The following ATP7B variants were observed in gnomAD, a reference collection of about 807,000 sequenced individuals.
The protein encoded by ATP7B is ATPase copper transporting beta.
ATP7B carries 113 observed loss-of-function variants against 118.9 expected under a neutral mutation model. The ratio of observed to expected loss-of-function variants is 0.95; its 90% CI spans 0.82 to 1.11. ATP7B has a LOEUF of 1.11. Among genes scored for constraint, ATP7B ranks in the 50% most tolerant of loss-of-function variants. The pLI is 0.00. For missense variants in ATP7B, 1,867 were observed against 1,871.4 expected (o/e 1.00, Z 0.04); for synonymous variants, 777 against 727.4 (o/e 1.07, Z -1.10).
At chr13:51,998,813 A>G (rs1953343839) in intron 1 of ATP7B, among the ~76,000 whole-genome samples, 1 of 152,174 alleles carries the variant, frequency 6.6e-6, no homozygotes. Context: ...TCCAGGACAA[A>G]GGGCTCTTTG....
intron 1 of ATP7B, among the ~76,000 whole-genome samples, chr13:51,982,710 C>T (rs995796825): frequency 2.0e-5 from 3 of 152,194 alleles, no homozygotes; most frequent in Non-Finnish European, 4.4e-5. Flanking sequence ...TCTGCATTTC[C>T]AGCTGAGGTA....
At chr13:51,965,618 A>T (rs2139800676) in intron 4 of ATP7B, among the ~76,000 whole-genome samples, 1 of 152,320 alleles carries the variant, frequency 6.6e-6, no homozygotes, top group East Asian at 1.9e-4. Flanking sequence ...AAGTGAAGGG[A>T]AGGACACTAC....
intron 3 of ATP7B, among the ~76,000 whole-genome samples, chr13:51,969,815 T>C (rs1366192631): frequency 6.6e-6 from 1 of 152,128 alleles, no homozygotes; most frequent in African/African-American, 2.4e-5. Flanking sequence ...TAATGCATAG[T>C]GAACAAGAGG....
intron 1 of ATP7B, among the ~76,000 whole-genome samples, chr13:51,999,457 TTAAA>T (rs555815387): frequency 6.0e-4 from 91 of 152,322 alleles, no homozygotes; most frequent in Middle Eastern, 3.4e-3. Context: ...AGGAGTGCTC[TTAAA>T]TAAACTGCAC....
chr13:51,942,838 A>G (rs1957418280), intron 14 of ATP7B, among the ~76,000 whole-genome samples: 1 of 152,232 alleles, frequency 6.6e-6, no homozygotes. Flanking sequence ...GTGCCTCATG[A>G]CAGTGAACAG....
chr13:51,992,144 AAAG>A (rs1952948403), intron 1 of ATP7B, among the ~76,000 whole-genome samples: 1 of 152,276 alleles, frequency 6.6e-6, no homozygotes, highest in Non-Finnish European at 1.5e-5. Flanking sequence ...AAAAAAAAAA[AAAG>A]AAATGTAAAA....
chr13:51,957,482 C>G (rs376105983), intron 9 of ATP7B, 34 bp downstream of exon 9: 1 of 1,588,722 alleles, frequency 6.3e-7, no homozygotes. Context: ...TTGATAGATA[C>G]CAACCACAAA....
At chr13:51,993,966 G>GT (rs1271042453) in intron 1 of ATP7B, among the ~76,000 whole-genome samples, 1 of 152,102 alleles carries the variant, frequency 6.6e-6, no homozygotes, top group Non-Finnish European at 1.5e-5. Context: ...TCACAGATTG[G>GT]TGCTGGCCTT....
intron 1 of ATP7B, among the ~76,000 whole-genome samples, chr13:51,979,194 GCA>G (rs1040076603): frequency 2.0e-5 from 3 of 152,218 alleles, no homozygotes; most frequent in African/African-American, 7.2e-5. Flanking sequence ...ACACGGCCAA[GCA>G]CAGTCAATAT....
intron 2 of ATP7B, among the ~76,000 whole-genome samples, chr13:51,972,253 C>T (rs1331619777): frequency 6.6e-6 from 1 of 152,174 alleles, no homozygotes; most frequent in Non-Finnish European, 1.5e-5. Flanking sequence ...CTGCCGAGGC[C>T]TCCAATGGCC....
rs146176995 is a variant in ATP7B, at chr13:51,993,374, C to T, written c.51+17913G>A. 1.2e-3 allele frequency among the ~76,000 whole-genome samples: 183 copies of T among 152,070 alleles called. 1 individual carries two copies. The highest frequency in any genetic ancestry group is 4.3e-3 in the African/African-American group (177 of 41,462). On this transcript the variant is annotated intron_variant, in intron 1 of 20. Transcript: ENST00000242839. ...TTTGAGCCCAGGAGTTTGAGACCAG[C>T]CTGGGCAACATAGGGAGACCACATC... is the stretch of plus-strand genomic sequence containing the variant.
At chr13:51,992,201 T>C (rs1323014688) in intron 1 of ATP7B, among the ~76,000 whole-genome samples, 1 of 151,972 alleles carries the variant, frequency 6.6e-6, no homozygotes, top group East Asian at 1.9e-4. Context: ...AATTTTTAAA[T>C]GTTTTATTCA....
chr13:52,011,229 G>A (rs1450244704), intron 1 of ATP7B, 58 bp downstream of exon 1: 5 of 1,613,698 alleles, frequency 3.1e-6, no homozygotes, highest in East Asian at 2.2e-5. Context: ...AACGCGGGGA[G>A]GAAAATCCTC....
At chr13:51,977,466 T>A (rs1952180666) in intron 1 of ATP7B, among the ~76,000 whole-genome samples, 1 of 152,082 alleles carries the variant, frequency 6.6e-6, no homozygotes. Flanking sequence ...TCTCTACATC[T>A]TCTCCCACTG....
intron 9 of ATP7B, among the ~76,000 whole-genome samples, chr13:51,955,697 G>A (rs61406624): frequency 0.012 from 1,878 of 152,154 alleles, 44 homozygotes; most frequent in African/African-American, 0.043. Flanking sequence ...GGAAACATGA[G>A]TCAAAACCAA....
chr13:51,935,384 C>T (rs1486185541), intron 20 of ATP7B, among the ~76,000 whole-genome samples: 1 of 152,218 alleles, frequency 6.6e-6, no homozygotes, highest in African/African-American at 2.4e-5. Context: ...GTAAGGGCAG[C>T]CCAGCACGTG....
Position 51,944,139 on chromosome 13 carries a change from C to G in ATP7B, c.3213G>C (p.Leu1071Phe). 3.1e-6 allele frequency: 5 copies of G among 1,614,156 alleles called. No individual in the cohort carries two copies. The highest frequency in any genetic ancestry group is 3.4e-6 in the Non-Finnish European group (4 of 1,180,022). The change falls in exon 14 of 21, where the codon TTG becomes TTC. Residue 1071 changes from leucine (L) to phenylalanine (F), a missense_variant. By Grantham distance (22) the Leu-to-Phe change is conservative (BLOSUM62 0). Coordinates refer to ENST00000242839, the MANE Select transcript of ATP7B (RefSeq NM_000053.4). ...TACAGTATTTGGTGACTGCCACGCCCAAGGGGTGTTCACTGCTGGCCTCCG... is the reference window on the plus strand; with the variant it reads ...TACAGTATTTGGTGACTGCCACGCCGAAGGGGTGTTCACTGCTGGCCTCCG... ...GTAEASSEHP[L>F]GVAVTKYCKE...
chr13:51,937,710 T>C, intron 17 of ATP7B, 31 bp from the exon 18 acceptor site: 4 of 1,610,418 alleles, frequency 2.5e-6, no homozygotes, highest in Non-Finnish European at 2.5e-6. Context: ...TGCCTAGTGT[T>C]GGCAAAAGGT....
intron 17 of ATP7B, 80 bp downstream of exon 17, chr13:51,938,971 T>C (rs949654035): frequency 6.2e-7 from 1 of 1,606,828 alleles, no homozygotes; most frequent in African/African-American, 1.3e-5. Flanking sequence ...TACAGCTCAG[T>C]GCTGGGCCAA....
Sources: gnomAD v4.1 joint callset for allele counts (sites outside exome capture counted in the v4.1 genomes callset) on GRCh38, gnomAD v4.1.1 for gene constraint, MANE v1.5 for transcripts, NCBI Gene and HGNC (gene_info 2026-07-23, HGNC 2026-07-21) for gene names.